Variants in PON1 observed in about 807,000 individuals in gnomAD.
PON1 encodes the protein serum paraoxonase/arylesterase 1.
In PON1, 37 loss-of-function variants were observed where a neutral mutation model predicts 39.2. That is an observed-to-expected ratio of 0.94 (90% confidence interval 0.73 to 1.24). The LOEUF (loss-of-function observed/expected upper bound fraction) is 1.24. PON1 is among the 50% of genes most tolerant of loss of function. PON1 has a pLI of 0.00. For synonymous variants in PON1, 148 were observed against 152.2 expected, an observed-to-expected ratio of 0.97 and a Z score of 0.21; for missense variants, 397 against 413.5, an observed-to-expected ratio of 0.96 and a Z score of 0.35.
At position 95,318,302 on chromosome 7, in the gene PON1, TTC is replaced by T. The variant is rs1563600380; in HGVS notation, c.145+19_145+20del. ...AATACCGGAAGTTCAAATGAGACCC[TTC>T]TTCCTCTCACATACATACCGATTCC... On this transcript the variant is annotated intron_variant, in intron 2 of 8. Coordinates refer to ENST00000222381, the MANE Select transcript of PON1 (RefSeq NM_000446.7). The T allele has an allele frequency of 6.3e-7, 1 of 1,574,870 alleles. No homozygotes were observed. The highest frequency in any genetic ancestry group is 8.7e-7 in the Non-Finnish European group (1 of 1,144,440).
chr7:95,320,677 G>A (rs1807876152), intron 1 of PON1, among the ~76,000 whole-genome samples: 1 of 152,180 alleles, frequency 6.6e-6, no homozygotes, highest in Admixed American at 6.5e-5. Flanking sequence ...AGAGAACACT[G>A]CTTAAAAGCT....
rs3917593 is a variant in PON1, at chr7:95,310,757, G to A, written c.497+694C>T. Reference sequence around the variant, plus strand: ...TACATAAATTATATAAAAATAGGTTGGGATTCTAGAAAATCGTAATCAGTT... The same window carrying A: ...TACATAAATTATATAAAAATAGGTTAGGATTCTAGAAAATCGTAATCAGTT... On this transcript the variant is annotated intron_variant, in intron 5 of 8. Transcript: ENST00000222381. Among the ~76,000 whole-genome samples the A allele has an allele frequency of 3.3e-3, 497 of 152,274 alleles. 2 individuals are homozygous for A. Among genetic ancestry groups the A allele is most frequent in the Non-Finnish European group, 5.4e-3 (364 of 68,026 alleles).
chr7:95,315,223 G>T, intron 4 of PON1, 99 bp downstream of exon 4: 2 of 1,101,270 alleles, frequency 1.8e-6, no homozygotes, highest in Non-Finnish European at 2.7e-6. Flanking sequence ...TCATGACTAT[G>T]CTTTGTTTGA....
At chr7:95,316,704 G>T in intron 3 of PON1, 30 bp downstream of exon 3, 1 of 1,597,818 alleles carries the variant, frequency 6.3e-7, no homozygotes, top group Non-Finnish European at 8.6e-7. Context: ...AAACGTTCTA[G>T]AACACAGAAA....
chr7:95,313,636 G>A (rs917227740), intron 4 of PON1, among the ~76,000 whole-genome samples: 1 of 151,756 alleles, frequency 6.6e-6, no homozygotes, highest in Non-Finnish European at 1.5e-5. Flanking sequence ...GTGTGTGTGT[G>A]TGTGTGTGTG....
chr7:95,301,953 C>G (rs1342463482), intron 8 of PON1, among the ~76,000 whole-genome samples: 1 of 150,600 alleles, frequency 6.6e-6, no homozygotes, highest in Admixed American at 6.6e-5. Context: ...AAAAATTAGC[C>G]AGGCATGGTG....
At chr7:95,315,969 T>C (rs1200910648) in intron 3 of PON1, among the ~76,000 whole-genome samples, 2 of 152,230 alleles carry the variant, frequency 1.3e-5, no homozygotes, top group Non-Finnish European at 2.9e-5. Flanking sequence ...TGTTGTTTTA[T>C]ATATTGTGTT....
intron 2 of PON1, among the ~76,000 whole-genome samples, chr7:95,317,069 A>T (rs2116321641): frequency 6.6e-6 from 1 of 152,348 alleles, no homozygotes; most frequent in Non-Finnish European, 1.5e-5. Context: ...ATCCTCTTAA[A>T]GTTCATGGAA....
chr7:95,308,049 A>G lies in PON1; in HGVS notation c.660T>C (p.Phe220=). The change falls in exon 6 of 9, where the codon TTT becomes TTC. Residue 220 remains phenylalanine (F), a synonymous_variant. Coordinates refer to ENST00000222381, the MANE Select transcript of PON1 (RefSeq NM_000446.7). The part of the protein sequence containing the change: ...PSEVRVVAEG[F]DFANGINISP... The stretch of plus-strand genomic sequence containing the variant: ...AAATGTTGATTCCATTAGCAAAATC[A>G]AATCCTTCTGCCACCACTCGAACTT... 6.2e-7 allele frequency: 1 copy of G among 1,614,174 alleles called. No homozygotes were observed. The highest frequency in any genetic ancestry group is 8.5e-7 in the Non-Finnish European group (1 of 1,180,018).
At chr7:95,312,649 G>C (rs983128103) in intron 4 of PON1, among the ~76,000 whole-genome samples, 1 of 152,256 alleles carries the variant, frequency 6.6e-6, no homozygotes, top group South Asian at 2.1e-4. Flanking sequence ...AACGAATAAT[G>C]TGGATATCTA....
At chr7:95,307,829 A>T (rs1286713229) in intron 6 of PON1, among the ~76,000 whole-genome samples, 182 bp downstream of exon 6, 2 of 152,236 alleles carry the variant, frequency 1.3e-5, no homozygotes, top group Non-Finnish European at 2.9e-5. Flanking sequence ...ATGCCTTCAC[A>T]ATGAAATTTT....
rs1317140736 is a variant in PON1, at chr7:95,307,922, A to C, written c.698+89T>G. On this transcript the variant is annotated intron_variant, in intron 6 of 8. Transcript: ENST00000222381. ...TATCTCACTAGGGTAACATGTTAAA[A>C]TGTATCATATTACTTAAAAAAAGAA... 141 of 1,240,750 alleles carry C rather than the reference A, an allele frequency of 1.1e-4. 1 individual carries two copies. The highest frequency in any genetic ancestry group is 5.7e-4 in the Middle Eastern group (3 of 5,220). 76.9% of individuals were successfully genotyped at this position (1,240,750 alleles called of 1,614,324 possible).
Position 95,313,618 on chromosome 7 carries a change from A to ATGTATGTGTGTGTGTG in PON1, c.370+1703_370+1704insCACACACACACATACA, listed in dbSNP as rs374185817. ...TCCATTGAAAGGGATATATATGTAT[A>ATGTATGTGTGTGTGTG]TGTGTGTGTGTGTGTGTGTGTGTGT... On this transcript the variant is annotated intron_variant, in intron 4 of 8. Coordinates refer to ENST00000222381, the MANE Select transcript of PON1 (RefSeq NM_000446.7). 1.4e-3 allele frequency among the ~76,000 whole-genome samples: 212 copies of ATGTATGTGTGTGTGTG among 147,288 alleles called. 2 individuals are homozygous for ATGTATGTGTGTGTGTG. Among genetic ancestry groups the ATGTATGTGTGTGTGTG allele is most frequent in the African/African-American group, 5.3e-3 (209 of 39,384 alleles).
rs1198986302 is a variant in PON1 at position 95,302,123 on chromosome 7, C to CAAAAAAAAAAAAAAAAAAAAAAA, written c.909+81_909+82insTTTTTTTTTTTTTTTTTTTTTTT. The CAAAAAAAAAAAAAAAAAAAAAAA allele has an allele frequency of 1.3e-5, 6 of 460,364 alleles. No homozygotes were observed. In the Admixed American group the frequency reaches 1.4e-4, roughly 11 times the overall value. 28.5% of individuals were successfully genotyped at this position (460,364 alleles called of 1,614,324 possible). On this transcript the variant is annotated intron_variant, in intron 8 of 8. Transcript: ENST00000222381. ...AAAAAAAAAAAAAAAAAAAAAAAAC[C>CAAAAAAAAAAAAAAAAAAAAAAA]AAGAATTGAGAATTATGTTGTCAAC...
At chr7:95,316,843 G>T (rs1807780165) in intron 2 of PON1, 54 bp from the exon 3 acceptor site, 7 of 1,418,228 alleles carry the variant, frequency 4.9e-6, no homozygotes, top group Non-Finnish European at 6.0e-6. Context: ...TGCAGGATGT[G>T]GATCCATTTC....
Position 95,298,991 on chromosome 7 carries a change from G to C in PON1, c.1021C>G (p.Leu341Val). ...STVASVYKGK[L>V]LIGTVFHKAL... ...TTGTGAAACACTGTGCCAATCAGCA[G>C]TTTCCCTTTGTACACAGAGGCAACT... Residue 341 changes from leucine (L) to valine (V), a missense_variant, in exon 9 of 9, where the codon CTG becomes GTG. Physicochemically the swap from Leu to Val is conservative, Grantham distance 32. Transcript: ENST00000222381. 6.2e-7 allele frequency: 1 copy of C among 1,614,146 alleles called. No homozygotes were observed. Among genetic ancestry groups the C allele is most frequent in the Non-Finnish European group, 8.5e-7 (1 of 1,180,016 alleles).
In PON1 at chr7:95,308,805, G is replaced by A. The variant is rs1355739788; in HGVS notation, c.498-594C>T. On this transcript the variant is annotated intron_variant, in intron 5 of 8. Coordinates refer to ENST00000222381, the MANE Select transcript of PON1 (RefSeq NM_000446.7). Reference sequence around the variant, plus strand: ...GTTGATCTTCCAGCCTTAAGATTTCGTGATTCTAAACTGAATGAAATGTCC... The same window carrying A: ...GTTGATCTTCCAGCCTTAAGATTTCATGATTCTAAACTGAATGAAATGTCC... Among the ~76,000 whole-genome samples the A allele has an allele frequency of 4.0e-5, 6 of 151,746 alleles. No homozygotes were observed. The South Asian group carries it at 8.3e-4, about 21-fold the overall frequency.
Position 95,316,596 on chromosome 7 carries a change from C to T in PON1, c.201+138G>A, listed in dbSNP as rs942643620. 1.1e-5 allele frequency: 9 copies of T among 803,886 alleles called. No individual in the cohort carries two copies. The African/African-American group carries it at 1.2e-4, about 11-fold the overall frequency. The allele number at this position is 803,886 out of a possible 1,614,324, so 49.8% of individuals were successfully genotyped here. The stretch of plus-strand genomic sequence containing the variant: ...ATTATAGCACAAGTGTAAATGCATA[C>T]ACAATTTGTCTTTTAAACCATGACT... On this transcript the variant is annotated intron_variant, in intron 3 of 8. Transcript: ENST00000222381.
chr7:95,308,106 C>T lies in PON1; in HGVS notation c.603G>A (p.Ala201=), dbSNP rs148452713. The T allele has an allele frequency of 1.5e-3, 2,447 of 1,614,086 alleles. 2 individuals are homozygous for T. The highest frequency in any genetic ancestry group is 1.8e-3 in the Non-Finnish European group (2,181 of 1,179,986). ...GACTATAGTAGACAACATACGACCA[C>T]GCTAAACCCAAATACATCTCCCAGG... The part of the protein sequence containing the change: ...LQSWEMYLGL[A]WSYVVYYSPS... The change falls in exon 6 of 9, where the codon GCG becomes GCA. Residue 201 remains alanine, a synonymous_variant. Coordinates refer to ENST00000222381, the MANE Select transcript of PON1 (RefSeq NM_000446.7).
Sources: allele counts gnomAD v4.1 joint callset (sites outside exome capture counted in the v4.1 genomes callset), GRCh38; gene constraint gnomAD v4.1.1; transcripts MANE v1.5; gene names NCBI Gene and HGNC (gene_info 2026-07-23, HGNC 2026-07-21).